Variants in MID1 observed in about 807,000 individuals in gnomAD.
MID1 encodes midline 1.
Under a neutral mutation model 40.4 loss-of-function variants are expected in MID1, and 7 were observed. That is an observed-to-expected ratio of 0.17 (90% CI 0.10 to 0.33). The LOEUF is 0.33. Ranked by LOEUF, MID1 falls within the 10% of genes least tolerant of loss-of-function variation. The pLI is 1.00. For synonymous variants in MID1, 229 were observed against 221.2 expected (o/e 1.04, Z -0.31); for missense variants, 367 against 558.5 (o/e 0.66, Z 3.46).
intron 1 of MID1, among the ~76,000 whole-genome samples, chrX:10,584,209 G>A (rs914554994): frequency 9.0e-6 from 1 of 111,710 alleles, no homozygotes; most frequent in South Asian, 3.8e-4. Flanking sequence ...TAATCCATTC[G>A]TAAGGGCTTT....
rs772922068 is a variant in MID1, at chrX:10,449,496, G to A, written c.1876C>T (p.Leu626Phe). 3 of 1,211,653 alleles carry A rather than the reference G, an allele frequency of 2.5e-6. No individual in the cohort carries two copies. In the South Asian group the frequency reaches 5.3e-5, roughly 21 times the overall value. Residue 626 changes from leucine (L) to phenylalanine (F), a missense_variant, in exon 10 of 10, where the codon CTC becomes TTC. Physicochemically the swap from Leu to Phe is conservative, Grantham distance 22 (BLOSUM62 0). This residue lies in a region of MID1 where 275 missense variants were observed against 383.1 expected (regional missense o/e 0.72). Coordinates refer to ENST00000317552, the MANE Select transcript of MID1 (RefSeq NM_000381.4). Reference sequence around the variant, plus strand: ...GCAAATGCGACGTCGAAGGTGTAGAGGTGGATGGAGTTCAAAGCATCATAA... The same window carrying A: ...GCAAATGCGACGTCGAAGGTGTAGAAGTGGATGGAGTTCAAAGCATCATAA... ...AFYDALNSIH[L>F]YTFDVAFAQP...
intron 1 of MID1, among the ~76,000 whole-genome samples, chrX:10,636,785 G>GATAGATATATATATATAT (rs1555911853): frequency 2.3e-5 from 1 of 42,719 alleles, no homozygotes; most frequent in African/African-American, 1.2e-4. Context: ...CAACAATGGG[G>GATAGATATATATATATAT]ATATATATAT....
At chrX:10,702,391 G>A (rs1238475899) in intron 1 of MID1, among the ~76,000 whole-genome samples, 10 of 112,074 alleles carry the variant, frequency 8.9e-5, no homozygotes, top group South Asian at 7.4e-4. Flanking sequence ...TTCAAAAATC[G>A]TGGAGAATCT....
intron 4 of MID1, among the ~76,000 whole-genome samples, chrX:10,489,271 T>C (rs922041903): frequency 8.9e-6 from 1 of 112,438 alleles, no homozygotes; most frequent in African/African-American, 3.2e-5. Context: ...CTTTTATGGA[T>C]AATGCTTTTG....
intron 1 of MID1, among the ~76,000 whole-genome samples, chrX:10,665,493 G>C (rs1050165214): frequency 2.4e-4 from 26 of 108,529 alleles, no homozygotes; most frequent in South Asian, 4.0e-4. Flanking sequence ...GCTGCAAACA[G>C]TTCCTGACCT....
chrX:10,710,803 T>C (rs924139228), intron 1 of MID1, among the ~76,000 whole-genome samples: 1 of 111,764 alleles, frequency 8.9e-6, no homozygotes, highest in Non-Finnish European at 1.9e-5. Flanking sequence ...TCTTACATAA[T>C]CCATATAAAT....
At chrX:10,643,143 C>G (rs374489826) in intron 1 of MID1, among the ~76,000 whole-genome samples, 1 of 111,339 alleles carries the variant, frequency 9.0e-6, no homozygotes. Context: ...GCAATGGCAA[C>G]AAAAGCCAAA....
At chrX:10,820,862 A>G (rs1415669462) in intron 1 of MID1, among the ~76,000 whole-genome samples, 1 of 112,416 alleles carries the variant, frequency 8.9e-6, no homozygotes, top group African/African-American at 3.2e-5. Flanking sequence ...TGTCAAACTC[A>G]TTTTCTGAAA....
At chrX:10,700,822 TA>T (rs1207304571) in intron 1 of MID1, among the ~76,000 whole-genome samples, 1 of 111,999 alleles carries the variant, frequency 8.9e-6, no homozygotes, top group Non-Finnish European at 1.9e-5. Context: ...ACATGTGCAA[TA>T]ATAATGTTCT....
chrX:10,529,418 T>C (rs896340820), intron 2 of MID1, among the ~76,000 whole-genome samples: 2 of 112,365 alleles, frequency 1.8e-5, no homozygotes, highest in Non-Finnish European at 3.8e-5. Flanking sequence ...AGAATTCCCA[T>C]CTGGACTGCG....
At position 10,448,127 on chromosome X, in the gene MID1, G is replaced by C. The variant is rs916648924; in HGVS notation, c.*1241C>G. On this transcript the variant is annotated 3_prime_UTR_variant, in exon 10 of 10. Transcript: ENST00000317552. ...TTTGAATTTTTTTTTTTTTTTTTTGGTCTTACAACTCTATTGTAAACTATA... is the reference window on the plus strand; with the variant it reads ...TTTGAATTTTTTTTTTTTTTTTTTGCTCTTACAACTCTATTGTAAACTATA... The C allele has an allele frequency of 7.7e-5, 8 of 103,728 alleles. No individual in the cohort carries two copies. Among genetic ancestry groups the C allele is most frequent in the African/African-American group, 2.5e-4 (7 of 28,065 alleles). The allele number at this position is 103,728 out of a possible 1,213,427, so 8.5% of individuals were successfully genotyped here.
intron 1 of MID1, chrX:10,589,931 A>G (rs1207008389): frequency 9.1e-6 from 1 of 109,504 alleles, no homozygotes; most frequent in Non-Finnish European, 1.9e-5. Flanking sequence ...CAGAGGCATC[A>G]GCAAGACTCC....
chrX:10,635,830 T>C (rs758501108), intron 1 of MID1, among the ~76,000 whole-genome samples: 3 of 112,234 alleles, frequency 2.7e-5, no homozygotes, highest in East Asian at 2.8e-4. Flanking sequence ...AAAACACTTA[T>C]TTTTGACAGG....
chrX:10,696,640 T>A (rs2043165642), intron 1 of MID1, among the ~76,000 whole-genome samples: 1 of 111,999 alleles, frequency 8.9e-6, no homozygotes, highest in Non-Finnish European at 1.9e-5. Flanking sequence ...GACAATTACA[T>A]GTTGAAATGA....
chrX:10,519,048 C>A (rs1012670011), intron 3 of MID1, among the ~76,000 whole-genome samples: 71 of 111,924 alleles, frequency 6.3e-4, no homozygotes, highest in African/African-American at 2.0e-3. Flanking sequence ...TAAATTCAAG[C>A]CATAATAATA....
chrX:10,762,682 G>A (rs7060509), intron 1 of MID1, among the ~76,000 whole-genome samples: 4,123 of 110,741 alleles, frequency 0.037, 165 homozygotes, highest in African/African-American at 0.12. Context: ...CGATCCGCCC[G>A]CCTTGGCCTC....
chrX:10,531,233 C>T (rs899402657), intron 2 of MID1, among the ~76,000 whole-genome samples: 1 of 112,052 alleles, frequency 8.9e-6, no homozygotes, highest in Admixed American at 9.5e-5. Flanking sequence ...CATATTAACA[C>T]ATGCCACTTG....
At chrX:10,743,031 C>T (rs2043534563) in intron 1 of MID1, among the ~76,000 whole-genome samples, 2 of 112,725 alleles carry the variant, frequency 1.8e-5, no homozygotes, top group Non-Finnish European at 3.7e-5. Context: ...AATTTTGTTA[C>T]TTGAAATTAA....
intron 1 of MID1, among the ~76,000 whole-genome samples, chrX:10,815,778 C>G (rs905537719): frequency 8.9e-6 from 1 of 112,388 alleles, no homozygotes; most frequent in Non-Finnish European, 1.9e-5. Context: ...TTTCCTGACA[C>G]GTTTTCTAAA....
Sources: gnomAD v4.1 joint callset for allele counts (sites outside exome capture counted in the v4.1 genomes callset) on GRCh38, gnomAD v4.1.1 for gene constraint, gnomAD v4.1.1 regional missense constraint, MANE v1.5 for transcripts, NCBI Gene and HGNC (gene_info 2026-07-23, HGNC 2026-07-21) for gene names.